Variants in USP24 observed in about 807,000 individuals in gnomAD.
USP24 encodes ubiquitin carboxyl-terminal hydrolase 24.
A neutral mutation model predicts 361.6 loss-of-function variants in USP24; 97 were observed. The observed-to-expected ratio is 0.27, with a 90% CI of 0.23 to 0.32. The LOEUF is 0.32. Ranked by LOEUF, USP24 falls within the 10% of genes least tolerant of loss-of-function variation. USP24 has a pLI of 1.00. For missense variants in USP24, 2,353 were observed against 3,165.6 expected (o/e 0.74, Z 6.16); for synonymous variants, 1,098 against 1,124.6 (o/e 0.98, Z 0.47).
chr1:55,169,912 G>A (rs925529310), intron 5 of USP24, among the ~76,000 whole-genome samples: 7 of 152,118 alleles, frequency 4.6e-5, no homozygotes, highest in African/African-American at 1.7e-4. Flanking sequence ...TCATTTAAGA[G>A]GGGAGCGAGC....
rs555312430 is a variant in USP24 at position 55,212,378 on chromosome 1, C to T, written c.324+2412G>A. Among the ~76,000 whole-genome samples, 102 of 152,270 alleles carry T rather than the reference C, an allele frequency of 6.7e-4. 1 individual carries two copies. Among genetic ancestry groups the T allele is most frequent in the African/African-American group, 2.4e-3 (98 of 41,548 alleles). On this transcript the variant is annotated intron_variant, in intron 1 of 67. Coordinates refer to ENST00000294383, the MANE Select transcript of USP24 (RefSeq NM_015306.3). Reference sequence around the variant, plus strand: ...TGAGTTGAGCAGAGTGAAAAGCACACTGGCTTTGAAGTCAAAGAGACCTGG... The same window carrying T: ...TGAGTTGAGCAGAGTGAAAAGCACATTGGCTTTGAAGTCAAAGAGACCTGG...
chr1:55,157,208 T>C, intron 11 of USP24, 48 bp downstream of exon 11: 1 of 1,393,538 alleles, frequency 7.2e-7, no homozygotes, highest in Non-Finnish European at 9.9e-7. Flanking sequence ...CAAAGATATA[T>C]TATTTAAATT....
intron 1 of USP24, among the ~76,000 whole-genome samples, chr1:55,181,019 C>T (rs1643950567): frequency 6.6e-6 from 1 of 151,804 alleles, no homozygotes; most frequent in Admixed American, 6.6e-5. Flanking sequence ...GCAAACAGGA[C>T]CCCAAATTGC....
At chr1:55,154,861 C>T in intron 12 of USP24, 83 bp from the exon 13 acceptor site, 1 of 985,338 alleles carries the variant, frequency 1.0e-6, no homozygotes, top group Non-Finnish European at 1.5e-6. Flanking sequence ...TACAGAAGCA[C>T]AAGCAAAAAT....
intron 39 of USP24, among the ~76,000 whole-genome samples, chr1:55,109,303 G>A (rs944983609): frequency 3.3e-5 from 5 of 152,186 alleles, no homozygotes; most frequent in African/African-American, 7.2e-5. Context: ...AGACACTTAC[G>A]AAACTGATGA....
intron 1 of USP24, among the ~76,000 whole-genome samples, chr1:55,204,459 A>G (rs1296379544): frequency 6.6e-6 from 1 of 151,016 alleles, no homozygotes; most frequent in Non-Finnish European, 1.5e-5. Flanking sequence ...ATATTCCATG[A>G]CACTAAAGAA....
Position 55,215,018 on chromosome 1 carries a change from G to T in USP24, c.96C>A (p.Asn32Lys). The change falls in exon 1 of 68, where the codon AAC (asparagine) becomes AAA (lysine). Residue 32 changes from asparagine to lysine, a missense_variant. Physicochemically the swap from Asn to Lys is moderately conservative, Grantham distance 94 (BLOSUM62 0). Coordinates refer to ENST00000294383, the MANE Select transcript of USP24 (RefSeq NM_015306.3). Reference sequence around the variant, plus strand: ...GCAGTGCCACGGCCTCGTTAATGTCGTTCTTGGCCAGGCGCAGGGCCTTGC... The same window carrying T: ...GCAGTGCCACGGCCTCGTTAATGTCTTTCTTGGCCAGGCGCAGGGCCTTGC... ...TIRKALRLAKNDINEAVALLT... is the reference protein window; with the variant it reads ...TIRKALRLAKKDINEAVALLT... 6.7e-7 allele frequency: 1 copy of T among 1,482,074 alleles called. No individual in the cohort carries two copies. Among genetic ancestry groups the T allele is most frequent in the Non-Finnish European group, 9.0e-7 (1 of 1,116,150 alleles). 91.8% of individuals were successfully genotyped at this position (1,482,074 alleles called of 1,614,324 possible).
chr1:55,171,759 A>G (rs763677530), intron 4 of USP24, 81 bp from the exon 5 acceptor site: 9 of 1,454,110 alleles, frequency 6.2e-6, no homozygotes, highest in Non-Finnish European at 7.4e-6. Flanking sequence ...AGATAAAAAT[A>G]TAGCCTTTGA....
At chr1:55,106,016 A>C (rs1471822269) in intron 41 of USP24, 130 bp downstream of exon 41, 2 of 758,826 alleles carry the variant, frequency 2.6e-6, no homozygotes, top group Non-Finnish European at 4.5e-6. Flanking sequence ...GCATTTCTTC[A>C]TTTAGTGGAT....
intron 38 of USP24, among the ~76,000 whole-genome samples, chr1:55,111,750 T>C (rs1570433347): frequency 6.6e-6 from 1 of 152,252 alleles, no homozygotes; most frequent in East Asian, 1.9e-4. Flanking sequence ...TTGGCTGAAT[T>C]TTTAACATTT....
intron 1 of USP24, among the ~76,000 whole-genome samples, chr1:55,185,190 C>T (rs1419567754): frequency 6.6e-6 from 1 of 151,914 alleles, no homozygotes. Flanking sequence ...TAGGTTCAAG[C>T]GATTCTCCCA....
intron 16 of USP24, chr1:55,152,124 G>A (rs1647215260): frequency 3.1e-6 from 1 of 326,356 alleles, no homozygotes; most frequent in Non-Finnish European, 4.4e-6. Context: ...AAAGCACTTA[G>A]TAAACTGAAA....
intron 55 of USP24, 79 bp downstream of exon 55, chr1:55,089,545 TAAA>T: frequency 1.1e-6 from 1 of 903,298 alleles, no homozygotes; most frequent in Non-Finnish European, 1.7e-6. Context: ...CAAGTTGAAA[TAAA>T]AAGGGTTATA....
chr1:55,206,558 T>C (rs1418910095), intron 1 of USP24, among the ~76,000 whole-genome samples: 1 of 150,778 alleles, frequency 6.6e-6, no homozygotes, highest in African/African-American at 2.4e-5. Flanking sequence ...CTATACAAGA[T>C]GAGGAACCAC....
rs563103721 is a variant in USP24 at position 55,068,714 on chromosome 1, C to T, written c.*331G>A. Reference sequence around the variant, plus strand: ...TTTTGTAGCATCGTAGAGAAAGCAACAGCTTTATGCTCACTCTTGTATGTT... The same window carrying T: ...TTTTGTAGCATCGTAGAGAAAGCAATAGCTTTATGCTCACTCTTGTATGTT... On this transcript the variant is annotated 3_prime_UTR_variant, in exon 68 of 68. Coordinates refer to ENST00000294383, the MANE Select transcript of USP24 (RefSeq NM_015306.3). 7.6e-4 allele frequency: 216 copies of T among 283,676 alleles called. No individual in the cohort carries two copies. Among genetic ancestry groups the T allele is most frequent in the Non-Finnish European group, 1.2e-3 (182 of 154,040 alleles). The allele number at this position is 283,676 out of a possible 1,614,324, so 17.6% of individuals were successfully genotyped here.
intron 37 of USP24, 90 bp downstream of exon 37, chr1:55,121,346 C>T: frequency 8.3e-7 from 1 of 1,211,364 alleles, no homozygotes; most frequent in African/African-American, 1.5e-5. Flanking sequence ...AATGCCACTC[C>T]TGTATTCCCG....
intron 48 of USP24, 53 bp from the exon 49 acceptor site, chr1:55,097,225 G>A (rs1269195331): frequency 2.5e-6 from 4 of 1,577,976 alleles, no homozygotes; most frequent in Non-Finnish European, 3.5e-6. Context: ...ATATACAGCA[G>A]TACCCAGTTA....
intron 8 of USP24, among the ~76,000 whole-genome samples, 164 bp downstream of exon 8, chr1:55,162,035 C>T (rs1056695804): frequency 2.0e-5 from 3 of 152,062 alleles, no homozygotes; most frequent in African/African-American, 7.2e-5. Context: ...TCAAATTATT[C>T]AACAATTTTT....
chr1:55,205,573 T>A (rs1032521000), intron 1 of USP24, among the ~76,000 whole-genome samples: 1 of 152,244 alleles, frequency 6.6e-6, no homozygotes, highest in African/African-American at 2.4e-5. Flanking sequence ...TTTTTCTGTA[T>A]TTCAATTAGA....
Sources: gnomAD v4.1 joint callset for allele counts (sites outside exome capture counted in the v4.1 genomes callset) on GRCh38, gnomAD v4.1.1 for gene constraint, MANE v1.5 for transcripts, NCBI Gene and HGNC (gene_info 2026-07-23, HGNC 2026-07-21) for gene names.